TTLL5: variants seen among roughly 807,000 people sequenced by gnomAD.
TTLL5 encodes tubulin polyglutamylase TTLL5.
In TTLL5, 132 loss-of-function variants were observed where a neutral mutation model predicts 168.4. That is an observed-to-expected ratio of 0.78 (90% CI 0.68 to 0.91). The LOEUF (loss-of-function observed/expected upper bound fraction) is 0.91. Ranked by LOEUF, TTLL5 falls within the 40% of genes least tolerant of loss-of-function variation. The probability of loss-of-function intolerance (pLI) is 0.00; values close to 1 mark genes in which losing one functional copy is unlikely to be tolerated. For missense variants in TTLL5, 1,545 were observed against 1,581.5 expected (o/e 0.98, Z 0.39); for synonymous variants, 546 against 558.6 (o/e 0.98, Z 0.32).
At chr14:75,677,150 A>G (rs542257721) in intron 3 of TTLL5, among the ~76,000 whole-genome samples, 2 of 151,976 alleles carry the variant, frequency 1.3e-5, no homozygotes, top group Non-Finnish European at 2.9e-5. Flanking sequence ...TTATTTTTTT[A>G]CTATATAAAA....
chr14:75,926,965 T>C (rs969020934), intron 31 of TTLL5, among the ~76,000 whole-genome samples: 2 of 152,238 alleles, frequency 1.3e-5, no homozygotes, highest in African/African-American at 2.4e-5. Context: ...TATATACAGA[T>C]TGCCTAGGAA....
chr14:75,850,872 C>T (rs1333696396), intron 28 of TTLL5, among the ~76,000 whole-genome samples: 1 of 151,836 alleles, frequency 6.6e-6, no homozygotes, highest in African/African-American at 2.4e-5. Flanking sequence ...CTTTGGGAGG[C>T]TGCGGTGAGT....
At chr14:75,843,920 G>A (rs1406514172) in intron 28 of TTLL5, among the ~76,000 whole-genome samples, 1 of 22,756 alleles carries the variant, frequency 4.4e-5, no homozygotes, top group Non-Finnish European at 1.3e-4. Flanking sequence ...TTGAGATGGA[G>A]CCTCGTTCTG....
intron 7 of TTLL5, among the ~76,000 whole-genome samples, chr14:75,702,852 C>CAGA (rs1886374326): frequency 1.3e-5 from 2 of 152,172 alleles, no homozygotes; most frequent in South Asian, 4.1e-4. Context: ...AAGTGCCAGA[C>CAGA]AGAAGCCTGG....
chr14:75,854,390 G>C (rs998434396), intron 28 of TTLL5, among the ~76,000 whole-genome samples: 4 of 152,096 alleles, frequency 2.6e-5, no homozygotes, highest in African/African-American at 9.7e-5. Context: ...ATACTTCATT[G>C]TATGAATACA....
At chr14:75,857,516 T>A (rs1047036162) in intron 28 of TTLL5, among the ~76,000 whole-genome samples, 2 of 152,194 alleles carry the variant, frequency 1.3e-5, no homozygotes, top group African/African-American at 4.8e-5. Flanking sequence ...TTTTTTGTAC[T>A]ATCTTTGTCA....
intron 31 of TTLL5, among the ~76,000 whole-genome samples, chr14:75,919,193 G>A (rs1375725517): frequency 1.1e-4 from 3 of 27,660 alleles, no homozygotes; most frequent in African/African-American, 4.1e-4. Flanking sequence ...GAGCAAGACC[G>A]TCTCAAAAAA....
At chr14:75,944,466 G>T (rs2034707194) in intron 31 of TTLL5, among the ~76,000 whole-genome samples, 1 of 152,102 alleles carries the variant, frequency 6.6e-6, no homozygotes, top group Non-Finnish European at 1.5e-5. Context: ...GAGCCTCCCT[G>T]CCCTGACAGC....
intron 31 of TTLL5, among the ~76,000 whole-genome samples, chr14:75,924,940 G>A (rs1353355843): frequency 6.7e-6 from 1 of 149,848 alleles, no homozygotes; most frequent in Non-Finnish European, 1.5e-5. Flanking sequence ...CTCCTGGACG[G>A]GGCGGCTGGC....
At chr14:75,833,693 G>A (rs1895709512) in intron 28 of TTLL5, among the ~76,000 whole-genome samples, 1 of 152,074 alleles carries the variant, frequency 6.6e-6, no homozygotes, top group African/African-American at 2.4e-5. Context: ...CCCAGTAAGT[G>A]GGAATCCATG....
chr14:75,783,387 A>G lies in TTLL5; in HGVS notation c.2843A>G (p.His948Arg). ...TCTGCCAGTGCTTCTCCCTGCCTAC[A>G]TCCCGGGGCACAGAACATCCCAAGC... The part of the protein sequence containing the change: ...TVSASASPCL[H>R]PGAQNIPSPT... The change falls in exon 26 of 32, where the codon CAT becomes CGT. Residue 948 changes from histidine to arginine, a missense_variant. His to Arg is a conservative substitution (Grantham distance 29). Transcript: ENST00000298832. 6.2e-7 allele frequency: 1 copy of G among 1,614,136 alleles called. No homozygotes were observed. The highest frequency in any genetic ancestry group is 8.5e-7 in the Non-Finnish European group (1 of 1,180,032).
intron 28 of TTLL5, among the ~76,000 whole-genome samples, chr14:75,862,463 A>G (rs1250781927): frequency 2.0e-5 from 3 of 152,192 alleles, no homozygotes; most frequent in Admixed American, 2.0e-4. Context: ...CAAGGGTTCC[A>G]GTTTTTCCAC....
chr14:75,720,648 A>T lies in TTLL5; in HGVS notation c.987A>T (p.Glu329Asp), dbSNP rs1555384338. Residue 329 changes from glutamate (E) to aspartate (D), a missense_variant, in exon 12 of 32, where the codon GAA becomes GAT. Transcript: ENST00000298832. ...DLIIKTIISA[E>D]LAIATACKTF... ...TCATTAAGACTATAATCTCTGCTGAACTAGCTATTGCTACTGCCTGTAAAA... is the reference window on the plus strand; with the variant it reads ...TCATTAAGACTATAATCTCTGCTGATCTAGCTATTGCTACTGCCTGTAAAA... 3 of 1,613,786 alleles carry T rather than the reference A, an allele frequency of 1.9e-6. No individual in the cohort carries two copies. The highest frequency in any genetic ancestry group is 1.7e-5 in the Admixed American group (1 of 60,012).
intron 27 of TTLL5, among the ~76,000 whole-genome samples, chr14:75,808,613 A>T (rs1457047101): frequency 6.6e-6 from 1 of 151,998 alleles, no homozygotes; most frequent in Non-Finnish European, 1.5e-5. Context: ...CTCTTCTTTT[A>T]CCTTGAGTGA....
Position 75,820,179 on chromosome 14 carries a change from C to A in TTLL5, c.3326+18C>A. 3 of 1,557,354 alleles carry A rather than the reference C, an allele frequency of 1.9e-6. No individual in the cohort carries two copies. Among genetic ancestry groups the A allele is most frequent in the Non-Finnish European group, 2.6e-6 (3 of 1,155,768 alleles). On this transcript the variant is annotated intron_variant, in intron 28 of 31. Transcript: ENST00000298832. ...GGAAGCAGGTATGTGAAGGGCCCTG[C>A]AACTAGCATTTGGGTTACTCAGGGA...
chr14:75,785,243 C>T (rs953021622), intron 26 of TTLL5, among the ~76,000 whole-genome samples: 1 of 146,810 alleles, frequency 6.8e-6, no homozygotes, highest in South Asian at 2.1e-4. Context: ...TGCAGTGGCA[C>T]GATCTCGGCC....
intron 2 of TTLL5, among the ~76,000 whole-genome samples, chr14:75,668,546 A>G (rs1239333449): frequency 1.3e-5 from 2 of 152,196 alleles, no homozygotes; most frequent in East Asian, 3.9e-4. Flanking sequence ...GTAAATATTC[A>G]TCAGCCTAAA....
Position 75,700,294 on chromosome 14 carries a change from C to T in TTLL5, c.585+1024C>T, listed in dbSNP as rs117515936. ...AAATAATAATTGGTAGCAGCAGATGCCAGGGAAAGGCAGGCACCTGAAGCT... is the reference window on the plus strand; with the variant it reads ...AAATAATAATTGGTAGCAGCAGATGTCAGGGAAAGGCAGGCACCTGAAGCT... On this transcript the variant is annotated intron_variant, in intron 7 of 31. Transcript: ENST00000298832. Among the ~76,000 whole-genome samples, 1,430 of 152,252 alleles carry T rather than the reference C, an allele frequency of 9.4e-3. 13 individuals carry two copies. Among genetic ancestry groups the T allele is most frequent in the Middle Eastern group, 0.02 (6 of 294 alleles).
At chr14:75,807,437 C>T (rs559583864) in intron 27 of TTLL5, among the ~76,000 whole-genome samples, 23 of 152,270 alleles carry the variant, frequency 1.5e-4, no homozygotes, top group Admixed American at 1.1e-3. Context: ...TAAGAAAGAC[C>T]CTGTGTCAAA....
Sources: gnomAD v4.1 joint callset for allele counts (sites outside exome capture counted in the v4.1 genomes callset) on GRCh38, gnomAD v4.1.1 for gene constraint, MANE v1.5 for transcripts, NCBI Gene and HGNC (gene_info 2026-07-23, HGNC 2026-07-21) for gene names.